Variants in CYP2B6 observed in about 807,000 individuals in gnomAD.
The protein encoded by CYP2B6 is cytochrome P450 family 2 subfamily B member 6, also known as cytochrome P450 2B6.
Under a neutral mutation model 43.4 loss-of-function variants are expected in CYP2B6, and 35 were observed. That is an observed-to-expected ratio of 0.81 (90% CI 0.62 to 1.07). CYP2B6 has a LOEUF of 1.07. CYP2B6 is among the 50% of genes least tolerant of loss of function. The pLI is 0.00. For synonymous variants in CYP2B6, 239 were observed against 239.2 expected (o/e 1.00, Z 0.01); for missense variants, 624 against 632.8 (o/e 0.99, Z 0.15).
chr19:40,992,753 C>T (rs1200264421), intron 1 of CYP2B6, among the ~76,000 whole-genome samples: 1 of 152,064 alleles, frequency 6.6e-6, no homozygotes, highest in African/African-American at 2.4e-5. Context: ...CTCCTGGGCT[C>T]AAGCAATCCA....
intron 1 of CYP2B6, among the ~76,000 whole-genome samples, chr19:41,003,365 G>A (rs74379299): frequency 1.4e-3 from 207 of 152,148 alleles, no homozygotes; most frequent in African/African-American, 4.7e-3. Flanking sequence ...AGGATGATTC[G>A]TGTCCGGGGT....
At chr19:40,991,622 T>G (rs1968921820) in intron 1 of CYP2B6, 146 bp downstream of exon 1, 1 of 838,328 alleles carries the variant, frequency 1.2e-6, no homozygotes, top group Non-Finnish European at 2.0e-6. Flanking sequence ...TGAAGCATGA[T>G]GGGTGGTATT....
intron 4 of CYP2B6, among the ~76,000 whole-genome samples, chr19:41,008,080 T>A (rs989934682): frequency 3.3e-5 from 5 of 152,008 alleles, no homozygotes; most frequent in Admixed American, 1.3e-4. Context: ...TTTCCCCAGA[T>A]TGTAAAGGCA....
Position 41,009,347 on chromosome 19 carries a change from C to T in CYP2B6, c.774C>T (p.Pro258=), listed in dbSNP as rs1285850302. 1.3e-6 allele frequency: 2 copies of T among 1,580,352 alleles called. No individual in the cohort carries two copies. The highest frequency in any genetic ancestry group is 1.7e-6 in the Non-Finnish European group (2 of 1,154,132). ...AGAAGCACCGTGAAACCCTGGACCC[C>T]AGCGCCCCCAAGGACCTCATCGACA... is the stretch of plus-strand genomic sequence containing the variant. ...SVEKHRETLD[P]SAPKDLIDTY... Residue 258 remains proline, a synonymous_variant, in exon 5 of 9, where the codon CCC becomes CCT. Coordinates refer to ENST00000324071, the MANE Select transcript of CYP2B6 (RefSeq NM_000767.5).
intron 1 of CYP2B6, among the ~76,000 whole-genome samples, chr19:41,002,929 G>A (rs1969118064): frequency 6.6e-6 from 1 of 152,076 alleles, no homozygotes; most frequent in Admixed American, 6.6e-5. Context: ...TTATGCCTGT[G>A]AGTTTCAGCC....
At chr19:41,005,562 T>A (rs925046899) in intron 3 of CYP2B6, among the ~76,000 whole-genome samples, 9 of 151,890 alleles carry the variant, frequency 5.9e-5, no homozygotes, top group African/African-American at 2.2e-4. Context: ...TGGCGGATCA[T>A]TTGAGGCCAG....
At chr19:41,006,509 A>G (rs1295309663) in intron 3 of CYP2B6, among the ~76,000 whole-genome samples, 1 of 151,800 alleles carries the variant, frequency 6.6e-6, no homozygotes, top group Non-Finnish European at 1.5e-5. Flanking sequence ...CCCAGCCCCT[A>G]TCCCTGGGAT....
rs1487469300 is a variant in CYP2B6 at position 41,018,050 on chromosome 19, G to C, written c.*1223G>C. 1 of 152,058 alleles carries C rather than the reference G, an allele frequency of 6.6e-6. No homozygotes were observed. Among genetic ancestry groups the C allele is most frequent in the East Asian group, 1.9e-4 (1 of 5,190 alleles). 9.4% of individuals were successfully genotyped at this position (152,058 alleles called of 1,614,324 possible). On this transcript the variant is annotated 3_prime_UTR_variant, in exon 9 of 9. Coordinates refer to ENST00000324071, the MANE Select transcript of CYP2B6 (RefSeq NM_000767.5). ...TTGTAGTTTTAGTAGGGACATGTTG[G>C]CCAGGCTGGTGGTGAGCTCCTGGCC...
At chr19:41,014,522 G>A (rs568602931) in intron 8 of CYP2B6, among the ~76,000 whole-genome samples, 3 of 152,188 alleles carry the variant, frequency 2.0e-5, no homozygotes, top group South Asian at 4.2e-4. Context: ...AGCCAGGATG[G>A]TGCTGATCTT....
Position 41,016,910 on chromosome 19 carries a change from A to G in CYP2B6, c.*83A>G. On this transcript the variant is annotated 3_prime_UTR_variant, in exon 9 of 9. Transcript: ENST00000324071. ...TAGACAATGGCTCTGACTCCCCGCAACTTCCTGCCTCTGAGAGACCTGCTA... is the reference window on the plus strand; with the variant it reads ...TAGACAATGGCTCTGACTCCCCGCAGCTTCCTGCCTCTGAGAGACCTGCTA... The G allele has an allele frequency of 6.9e-7, 1 of 1,449,408 alleles. No individual in the cohort carries two copies. The highest frequency in any genetic ancestry group is 9.4e-7 in the Non-Finnish European group (1 of 1,061,928). The allele number at this position is 1,449,408 out of a possible 1,614,324, so 89.8% of individuals were successfully genotyped here.
chr19:41,012,004 A>T (rs1166896907), intron 6 of CYP2B6, among the ~76,000 whole-genome samples: 1 of 152,096 alleles, frequency 6.6e-6, no homozygotes, highest in Non-Finnish European at 1.5e-5. Flanking sequence ...TCTAGAGTGC[A>T]GTGGCATGAT....
intron 6 of CYP2B6, among the ~76,000 whole-genome samples, chr19:41,011,411 T>C (rs146209463): frequency 1.4e-3 from 209 of 152,340 alleles, no homozygotes; most frequent in African/African-American, 4.8e-3. Context: ...TGTCTATGGA[T>C]CATTCATTAG....
At chr19:41,016,431 A>AGAG (rs58697964) in intron 8 of CYP2B6, among the ~76,000 whole-genome samples, 117 of 91,950 alleles carry the variant, frequency 1.3e-3, no homozygotes, top group Middle Eastern at 6.6e-3. Context: ...AAAAAAAAAA[A>AGAG]AAAGAGAGAG....
In CYP2B6 at chr19:41,009,333, G is replaced by A; in HGVS notation, c.760G>A (p.Glu254Lys). 1 of 1,607,002 alleles carries A rather than the reference G, an allele frequency of 6.2e-7. No homozygotes were observed. The highest frequency in any genetic ancestry group is 1.1e-5 in the South Asian group (1 of 90,792). ...YIGHSVEKHRETLDPSAPKDL... is the reference protein window; with the variant it reads ...YIGHSVEKHRKTLDPSAPKDL... Reference sequence around the variant, plus strand: ...TGGCCACAGTGTGGAGAAGCACCGTGAAACCCTGGACCCCAGCGCCCCCAA... The same window carrying A: ...TGGCCACAGTGTGGAGAAGCACCGTAAAACCCTGGACCCCAGCGCCCCCAA... Residue 254 changes from glutamate to lysine, a missense_variant, in exon 5 of 9, where the codon GAA (glutamate) becomes AAA (lysine). By Grantham distance (56) the Glu-to-Lys change is moderately conservative (BLOSUM62 1). Transcript: ENST00000324071.
chr19:41,013,816 C>A (rs755180461), intron 8 of CYP2B6, among the ~76,000 whole-genome samples: 1 of 152,156 alleles, frequency 6.6e-6, no homozygotes, highest in Non-Finnish European at 1.5e-5. Flanking sequence ...CACAAGGAAC[C>A]AGTAAAGGTT....
intron 1 of CYP2B6, among the ~76,000 whole-genome samples, chr19:40,994,816 T>C (rs1267465816): frequency 6.6e-6 from 1 of 152,134 alleles, no homozygotes; most frequent in Non-Finnish European, 1.5e-5. Context: ...CGTACTGTTA[T>C]TATATTAACT....
chr19:41,009,029 G>T (rs1424242180), intron 4 of CYP2B6, among the ~76,000 whole-genome samples, 190 bp from the exon 5 acceptor site: 1 of 149,522 alleles, frequency 6.7e-6, no homozygotes, highest in Non-Finnish European at 1.5e-5. Flanking sequence ...GGATGAGGGA[G>T]GAAGATGCAG....
intron 6 of CYP2B6, 127 bp from the exon 7 acceptor site, chr19:41,012,171 A>T: frequency 1.2e-6 from 1 of 849,580 alleles, no homozygotes; most frequent in Non-Finnish European, 1.9e-6. Flanking sequence ...GCTCATCTTG[A>T]ACTCCTGACC....
intron 1 of CYP2B6, among the ~76,000 whole-genome samples, chr19:40,999,498 T>C (rs560781040): frequency 4.3e-4 from 65 of 152,242 alleles, no homozygotes; most frequent in Admixed American, 1.5e-3. Flanking sequence ...TCCTTGCCCA[T>C]GCCTATGTCC....
Sources: gnomAD v4.1 joint callset for allele counts (sites outside exome capture counted in the v4.1 genomes callset) on GRCh38, gnomAD v4.1.1 for gene constraint, MANE v1.5 for transcripts, NCBI Gene and HGNC (gene_info 2026-07-23, HGNC 2026-07-21) for gene names.